ZNF10: variants seen among roughly 807,000 people sequenced by gnomAD.
ZNF10 encodes the protein zinc finger protein 10 (KOX 1).
ZNF10 carries 8 observed loss-of-function variants against 12.2 expected under a neutral mutation model. That is an observed-to-expected ratio of 0.66 (90% confidence interval 0.39 to 1.18). The LOEUF is 1.18. ZNF10 is among the 50% of genes most tolerant of loss of function. ZNF10 has a pLI of 0.01. For missense variants in ZNF10, 603 were observed against 678.9 expected (o/e 0.89, Z 1.24); for synonymous variants, 229 against 228.2 (o/e 1.00, Z -0.03).
chr12:133,155,138 GA>G (rs1470508557), intron 4 of ZNF10, among the ~76,000 whole-genome samples: 1 of 152,060 alleles, frequency 6.6e-6, no homozygotes, highest in African/African-American at 2.4e-5. Context: ...TGTGTCAGGG[GA>G]AAGTCCTGAC....
At chr12:133,151,746 C>A in intron 3 of ZNF10, 63 bp from the exon 4 acceptor site, 1 of 1,339,790 alleles carries the variant, frequency 7.5e-7, no homozygotes, top group Non-Finnish European at 1.1e-6. Context: ...TGAGATGTTT[C>A]TTCGTGCCTA....
intron 2 of ZNF10, chr12:133,144,784 G>A: frequency 2.0e-6 from 1 of 506,754 alleles, no homozygotes; most frequent in Non-Finnish European, 3.7e-6. Flanking sequence ...AATGGAATGA[G>A]ATTAGTGTTA....
Position 133,151,095 on chromosome 12 carries a change from C to G in ZNF10, c.101C>G (p.Ala34Gly), listed in dbSNP as rs778247876. ...GAGGAGTGGAAGCTGCTGGACACTG[C>G]TCAGCAGATCGTGTACAGAAATGTG... ...TREEWKLLDT[A>G]QQIVYRNVML... Residue 34 changes from alanine (A) to glycine (G), a missense_variant, in exon 3 of 5, where the codon GCT becomes GGT. Physicochemically the swap from Ala to Gly is moderately conservative, Grantham distance 60. Coordinates refer to ENST00000248211, the MANE Select transcript of ZNF10 (RefSeq NM_015394.5). The G allele has an allele frequency of 6.2e-7, 1 of 1,613,912 alleles. No homozygotes were observed. The highest frequency in any genetic ancestry group is 8.5e-7 in the Non-Finnish European group (1 of 1,179,820).
intron 2 of ZNF10, among the ~76,000 whole-genome samples, chr12:133,150,501 G>C (rs1442200821): frequency 1.3e-5 from 2 of 151,176 alleles, no homozygotes; most frequent in Non-Finnish European, 2.9e-5. Context: ...TAAGGGCCTT[G>C]CATCTGTCTC....
intron 2 of ZNF10, among the ~76,000 whole-genome samples, chr12:133,150,336 G>A (rs910772021): frequency 6.6e-6 from 1 of 152,176 alleles, no homozygotes; most frequent in Admixed American, 6.5e-5. Flanking sequence ...TTCACTGGAC[G>A]TAGAAATTCT....
At chr12:133,135,348 C>T (rs1215682682) in intron 1 of ZNF10, among the ~76,000 whole-genome samples, 1 of 152,138 alleles carries the variant, frequency 6.6e-6, no homozygotes, top group African/African-American at 2.4e-5. Context: ...GCACTCAATG[C>T]TCCCTGAATA....
chr12:133,147,304 C>T (rs975593409), intron 2 of ZNF10, among the ~76,000 whole-genome samples: 8 of 152,136 alleles, frequency 5.3e-5, no homozygotes, highest in Non-Finnish European at 8.8e-5. Flanking sequence ...GCCAAGAGTA[C>T]GTTTAACTTT....
chr12:133,158,190 G>A lies in ZNF10; in HGVS notation c.*1222G>A, dbSNP rs1218138840. On this transcript the variant is annotated 3_prime_UTR_variant, in exon 5 of 5. Coordinates refer to ENST00000248211, the MANE Select transcript of ZNF10 (RefSeq NM_015394.5). Reference sequence around the variant, plus strand: ...ATAGTACTTACCTGGTAGGATTATGGTGAGTATTAAATGAGTAAATGGAAA... The same window carrying A: ...ATAGTACTTACCTGGTAGGATTATGATGAGTATTAAATGAGTAAATGGAAA... 6.6e-6 allele frequency: 1 copy of A among 152,176 alleles called. No homozygotes were observed. Among genetic ancestry groups the A allele is most frequent in the African/African-American group, 2.4e-5 (1 of 41,448 alleles). The allele number at this position is 152,176 out of a possible 1,614,324, so 9.4% of individuals were successfully genotyped here.
rs1955963541 is a variant in ZNF10 at position 133,144,363 on chromosome 12, A to T, written c.-59-71A>T. On this transcript the variant is annotated intron_variant, in intron 1 of 4. Transcript: ENST00000248211. The stretch of plus-strand genomic sequence containing the variant: ...GTGTCATACCCAGCTGGTATGAAGA[A>T]GTTTAGACTGACAATTTAGGGAGCC... The T allele has an allele frequency of 7.2e-6, 6 of 834,116 alleles. No homozygotes were observed. In the East Asian group the frequency reaches 1.6e-4, roughly 22 times the overall value. The allele number at this position is 834,116 out of a possible 1,614,324, so 51.7% of individuals were successfully genotyped here. A position where few individuals can be genotyped will look rare whatever the true frequency, so the allele number is the denominator to read the frequency against.
intron 1 of ZNF10, among the ~76,000 whole-genome samples, chr12:133,140,231 A>AT (rs1955937180): frequency 1.4e-5 from 2 of 147,014 alleles, no homozygotes; most frequent in Admixed American, 6.7e-5. Context: ...AAAAAAAAAA[A>AT]GCCAGGTGCA....
chr12:133,151,166 T>C lies in ZNF10; in HGVS notation c.160+12T>C. 1 of 1,606,892 alleles carries C rather than the reference T, an allele frequency of 6.2e-7. No individual in the cohort carries two copies. Among genetic ancestry groups the C allele is most frequent in the South Asian group, 1.1e-5 (1 of 90,304 alleles). On this transcript the variant is annotated intron_variant, in intron 3 of 4. Coordinates refer to ENST00000248211, the MANE Select transcript of ZNF10 (RefSeq NM_015394.5). ...CCTGGTTTCCTTGGGTAAGACTAGCTCTGTTTTTGAAGATTTTGGTTCTCC... is the reference window on the plus strand; with the variant it reads ...CCTGGTTTCCTTGGGTAAGACTAGCCCTGTTTTTGAAGATTTTGGTTCTCC...
intron 1 of ZNF10, chr12:133,143,612 T>C (rs992799542): frequency 9.2e-5 from 14 of 152,264 alleles, no homozygotes; most frequent in African/African-American, 2.9e-4. Context: ...TGGCGAATGG[T>C]AACTACCTAG....
rs562568443 is a variant in ZNF10, at chr12:133,146,899, CTG to C, written c.33+2379_33+2380del. Among the ~76,000 whole-genome samples the C allele has an allele frequency of 4.7e-3, 717 of 152,166 alleles. 1 individual carries two copies. Among genetic ancestry groups the C allele is most frequent in the Non-Finnish European group, 6.1e-3 (416 of 67,962 alleles). The stretch of plus-strand genomic sequence containing the variant: ...GGCAAACCCATGATCCTAGAATTCC[CTG>C]TGTGCTGCCCCTGTGTATATAGTCC... On this transcript the variant is annotated intron_variant, in intron 2 of 4. Transcript: ENST00000248211.
intron 1 of ZNF10, among the ~76,000 whole-genome samples, chr12:133,132,994 A>G (rs922886097): frequency 6.6e-6 from 1 of 152,212 alleles, no homozygotes; most frequent in African/African-American, 2.4e-5. Context: ...GTAAATTGAC[A>G]TGGGTACGTA....
chr12:133,150,284 A>C (rs977601539), intron 2 of ZNF10, among the ~76,000 whole-genome samples: 2 of 152,204 alleles, frequency 1.3e-5, no homozygotes, highest in Non-Finnish European at 2.9e-5. Context: ...GTTTTAGTTC[A>C]TTTGAGAATA....
Position 133,157,085 on chromosome 12 carries a change from A to G in ZNF10, c.*117A>G, listed in dbSNP as rs555050148. 305 of 931,786 alleles carry G rather than the reference A, an allele frequency of 3.3e-4. No individual in the cohort carries two copies. Among genetic ancestry groups the G allele is most frequent in the Admixed American group, 2.5e-3 (71 of 28,652 alleles). The allele number at this position is 931,786 out of a possible 1,614,324, so 57.7% of individuals were successfully genotyped here. ...ATGCTTTCAGTCTTGTTACTATCCT[A>G]TTGCACATTAGAGAATTGGTCCTGG... On this transcript the variant is annotated 3_prime_UTR_variant, in exon 5 of 5. Coordinates refer to ENST00000248211, the MANE Select transcript of ZNF10 (RefSeq NM_015394.5).
intron 2 of ZNF10, 41 bp from the exon 3 acceptor site, chr12:133,150,987 G>T: frequency 6.3e-7 from 1 of 1,593,338 alleles, no homozygotes; most frequent in Non-Finnish European, 8.6e-7. Flanking sequence ...GGATAGCAAA[G>T]ATGCATATCT....
At chr12:133,149,352 CTTTTTTT>C (rs144304054) in intron 2 of ZNF10, among the ~76,000 whole-genome samples, 3 of 85,806 alleles carry the variant, frequency 3.5e-5, no homozygotes, top group African/African-American at 9.8e-5. Context: ...TTTGCTATTG[CTTTTTTT>C]TTTTTTTTTT....
At chr12:133,138,156 CAG>C (rs1472717657) in intron 1 of ZNF10, among the ~76,000 whole-genome samples, 27 of 151,858 alleles carry the variant, frequency 1.8e-4, no homozygotes, top group African/African-American at 6.0e-4. Flanking sequence ...AGCGTGCAGC[CAG>C]AGTTTAAAAC....
Sources: gnomAD v4.1 joint callset for allele counts (sites outside exome capture counted in the v4.1 genomes callset) on GRCh38, gnomAD v4.1.1 for gene constraint, MANE v1.5 for transcripts, NCBI Gene and HGNC (gene_info 2026-07-23, HGNC 2026-07-21) for gene names.